The following PLCXD2 variants were observed in gnomAD, a reference collection of about 807,000 sequenced individuals.
PLCXD2 encodes the protein PI-PLC X domain-containing protein 2.
PLCXD2 carries 21 observed loss-of-function variants against 28.6 expected under a neutral mutation model. The observed-to-expected ratio is 0.73, with a 90% CI of 0.52 to 1.06. The LOEUF (loss-of-function observed/expected upper bound fraction) is 1.06, where lower values mean the gene tolerates loss of function less well. PLCXD2 is among the 50% of genes least tolerant of loss of function. The pLI, the probability that PLCXD2 is intolerant of heterozygous loss-of-function variation, is 0.00. For missense variants in PLCXD2, 369 were observed against 376.7 expected (o/e 0.98, Z 0.17); for synonymous variants, 140 against 150.1 (o/e 0.93, Z 0.49).
intron 1 of PLCXD2, among the ~76,000 whole-genome samples, chr3:111,706,999 C>T (rs900990361): frequency 1.3e-5 from 2 of 152,176 alleles, no homozygotes; most frequent in Admixed American, 6.5e-5. Flanking sequence ...CAGACTTCTT[C>T]AGCATTGGAC....
intron 3 of PLCXD2, chr3:111,723,810 A>G (rs1445239555): frequency 1.3e-5 from 2 of 152,176 alleles, no homozygotes; most frequent in Non-Finnish European, 2.9e-5. Context: ...TAGTGACCCA[A>G]CCACATCACT....
At chr3:111,717,616 T>C (rs1175296743) in intron 3 of PLCXD2, among the ~76,000 whole-genome samples, 4 of 152,214 alleles carry the variant, frequency 2.6e-5, no homozygotes, top group Non-Finnish European at 4.4e-5. Context: ...TACCTTTCAC[T>C]GCATTTCTCT....
At chr3:111,718,424 C>T (rs1941300513) in intron 3 of PLCXD2, among the ~76,000 whole-genome samples, 1 of 151,740 alleles carries the variant, frequency 6.6e-6, no homozygotes, top group Non-Finnish European at 1.5e-5. Context: ...AAGATCGCGC[C>T]TCTGCACTCC....
chr3:111,715,340 A>G (rs983629703), intron 3 of PLCXD2, among the ~76,000 whole-genome samples: 2 of 152,224 alleles, frequency 1.3e-5, no homozygotes, highest in African/African-American at 2.4e-5. Context: ...TTGTAGATCA[A>G]CATTATTTAT....
At chr3:111,709,287 G>C (rs1416400943) in intron 2 of PLCXD2, among the ~76,000 whole-genome samples, 9 of 152,110 alleles carry the variant, frequency 5.9e-5, no homozygotes, top group African/African-American at 1.2e-4. Context: ...CTAAGGACTA[G>C]GGATAAATTA....
At chr3:111,691,527 G>A (rs1238035217) in intron 1 of PLCXD2, 1 of 152,136 alleles carries the variant, frequency 6.6e-6, no homozygotes, top group Non-Finnish European at 1.5e-5. Flanking sequence ...AAATTCTTTA[G>A]GTCTTTACAA....
intron 1 of PLCXD2, among the ~76,000 whole-genome samples, chr3:111,698,720 C>T (rs562832678): frequency 6.6e-6 from 1 of 152,236 alleles, no homozygotes; most frequent in East Asian, 1.9e-4. Context: ...GAGAGGCAGG[C>T]CAATTAAGGA....
intron 1 of PLCXD2, among the ~76,000 whole-genome samples, chr3:111,698,396 C>T (rs1021546831): frequency 7.2e-5 from 11 of 152,182 alleles, no homozygotes; most frequent in South Asian, 2.1e-4. Context: ...CTATCCACTG[C>T]GGGGACACTC....
chr3:111,710,622 G>A (rs1285972551), intron 2 of PLCXD2, among the ~76,000 whole-genome samples: 4 of 152,148 alleles, frequency 2.6e-5, no homozygotes, highest in African/African-American at 9.7e-5. Context: ...CTCTCTGAGG[G>A]GTATTTAGGC....
At chr3:111,681,244 C>G (rs529542016) in intron 1 of PLCXD2, among the ~76,000 whole-genome samples, 1 of 152,220 alleles carries the variant, frequency 6.6e-6, no homozygotes, top group South Asian at 2.1e-4. Flanking sequence ...CTGATCAAGA[C>G]AGCCAGAAAA....
At chr3:111,686,577 C>A (rs543973190) in intron 1 of PLCXD2, among the ~76,000 whole-genome samples, 1 of 152,244 alleles carries the variant, frequency 6.6e-6, no homozygotes, top group African/African-American at 2.4e-5. Flanking sequence ...AAGTGGCCCC[C>A]CTCATTTGGA....
chr3:111,705,673 G>A (rs1553718173), intron 1 of PLCXD2, among the ~76,000 whole-genome samples: 1 of 150,618 alleles, frequency 6.6e-6, no homozygotes, highest in Non-Finnish European at 1.5e-5. Flanking sequence ...GTTATTTTTT[G>A]TCTTTTTTGT....
chr3:111,693,874 T>C (rs960234572), intron 1 of PLCXD2, among the ~76,000 whole-genome samples: 1 of 152,210 alleles, frequency 6.6e-6, no homozygotes, highest in African/African-American at 2.4e-5. Flanking sequence ...GGGACTGTGA[T>C]CCAGGCACCA....
intron 1 of PLCXD2, among the ~76,000 whole-genome samples, chr3:111,676,504 C>T (rs1272452823): frequency 2.6e-5 from 4 of 152,166 alleles, no homozygotes; most frequent in Non-Finnish European, 4.4e-5. Flanking sequence ...TTTCTTTACT[C>T]ACCTCCTCTT....
At chr3:111,680,891 A>T (rs917051613) in intron 1 of PLCXD2, among the ~76,000 whole-genome samples, 51 of 152,226 alleles carry the variant, frequency 3.4e-4, no homozygotes, top group Admixed American at 6.5e-4. Flanking sequence ...ATTAATTCAT[A>T]TAGTATGCTT....
At chr3:111,689,517 C>G (rs1157355954) in intron 1 of PLCXD2, among the ~76,000 whole-genome samples, 1 of 152,214 alleles carries the variant, frequency 6.6e-6, no homozygotes, top group African/African-American at 2.4e-5. Context: ...TTCCAATAAC[C>G]CACCTTCGCT....
At chr3:111,702,960 G>A (rs1266743735) in intron 1 of PLCXD2, among the ~76,000 whole-genome samples, 3 of 152,144 alleles carry the variant, frequency 2.0e-5, no homozygotes, top group Non-Finnish European at 2.9e-5. Context: ...TGCAGGAATG[G>A]GGGGACATTG....
At chr3:111,720,484 G>A (rs1234061738) in intron 3 of PLCXD2, among the ~76,000 whole-genome samples, 1 of 152,148 alleles carries the variant, frequency 6.6e-6, no homozygotes, top group African/African-American at 2.4e-5. Context: ...TTTGATGCTG[G>A]AAGCAAATAA....
At chr3:111,707,312 A>G (rs1254244151) in intron 1 of PLCXD2, among the ~76,000 whole-genome samples, 1 of 152,190 alleles carries the variant, frequency 6.6e-6, no homozygotes, top group Non-Finnish European at 1.5e-5. Flanking sequence ...AATTTTTTAT[A>G]TATTTTAAAA....
Sources: allele counts gnomAD v4.1 joint callset (sites outside exome capture counted in the v4.1 genomes callset), GRCh38; gene constraint gnomAD v4.1.1; transcripts MANE v1.5; gene names NCBI Gene and HGNC (gene_info 2026-07-23, HGNC 2026-07-21).